The following UBE2G2 variants were observed in gnomAD, a reference collection of about 807,000 sequenced individuals.
UBE2G2 encodes ubiquitin-conjugating enzyme E2 G2.
A neutral mutation model predicts 23.0 loss-of-function variants in UBE2G2; 10 were observed. The observed-to-expected ratio is 0.43, with a 90% confidence interval of 0.27 to 0.74. The LOEUF (loss-of-function observed/expected upper bound fraction) is 0.74. Among genes scored for constraint, UBE2G2 ranks in the 30% least tolerant of loss-of-function variants. UBE2G2 has a pLI of 0.19. For synonymous variants in UBE2G2, 86 were observed against 81.3 expected, an observed-to-expected ratio of 1.06 and a Z score of -0.31; for missense variants, 150 against 218.3, an observed-to-expected ratio of 0.69 and a Z score of 1.97.
At chr21:44,780,740 C>T (rs2082949656) in intron 3 of UBE2G2, among the ~76,000 whole-genome samples, 1 of 152,240 alleles carries the variant, frequency 6.6e-6, no homozygotes, top group Non-Finnish European at 1.5e-5. Context: ...ACTGCCTTGT[C>T]ACTGTCCTCC....
At chr21:44,778,522 A>T (rs2082930853) in intron 3 of UBE2G2, among the ~76,000 whole-genome samples, 1 of 152,244 alleles carries the variant, frequency 6.6e-6, no homozygotes, top group Non-Finnish European at 1.5e-5. Context: ...CTTGACCAAC[A>T]GTTCAAGGCA....
At chr21:44,799,047 G>A (rs2083115240) in intron 1 of UBE2G2, among the ~76,000 whole-genome samples, 2 of 152,212 alleles carry the variant, frequency 1.3e-5, no homozygotes, top group South Asian at 2.1e-4. Flanking sequence ...GTGACCAGGT[G>A]CACTGTCAGG....
At chr21:44,784,741 C>T (rs931525713) in intron 3 of UBE2G2, among the ~76,000 whole-genome samples, 1 of 152,150 alleles carries the variant, frequency 6.6e-6, no homozygotes, top group African/African-American at 2.4e-5. Context: ...CTGGGAGCAT[C>T]CATCCACCAA....
Position 44,779,423 on chromosome 21 carries a change from G to T in UBE2G2, c.126-2006C>A, listed in dbSNP as rs141869098. On this transcript the variant is annotated intron_variant, in intron 3 of 5. Transcript: ENST00000345496. Reference sequence around the variant, plus strand: ...CCAGAGCCTCAGCATGACCAGCACAGGGAACGCCACCGAGGGAGGCACGAG... The same window carrying T: ...CCAGAGCCTCAGCATGACCAGCACATGGAACGCCACCGAGGGAGGCACGAG... Among the ~76,000 whole-genome samples the T allele has an allele frequency of 6.6e-3, 1,007 of 151,938 alleles. 7 individuals are homozygous for T. The highest frequency in any genetic ancestry group is 0.014 in the South Asian group (65 of 4,798).
Position 44,769,030 on chromosome 21 carries a change from G to C in UBE2G2, c.*2347C>G, listed in dbSNP as rs1307980273. 1 of 152,046 alleles carries C rather than the reference G, an allele frequency of 6.6e-6. No individual in the cohort carries two copies. Among genetic ancestry groups the C allele is most frequent in the Admixed American group, 6.6e-5 (1 of 15,240 alleles). The allele number at this position is 152,046 out of a possible 1,614,324, so 9.4% of individuals were successfully genotyped here. A position where few individuals can be genotyped will look rare whatever the true frequency, so the allele number is the denominator to read the frequency against. ...AGGCTCCTCTGACAATACGACAAAG[G>C]GACACACACTGCAGGGCAGGGAAAA... On this transcript the variant is annotated 3_prime_UTR_variant, in exon 6 of 6. Coordinates refer to ENST00000345496, the MANE Select transcript of UBE2G2 (RefSeq NM_003343.6).
At chr21:44,782,043 C>A (rs1448032013) in intron 3 of UBE2G2, among the ~76,000 whole-genome samples, 3 of 152,156 alleles carry the variant, frequency 2.0e-5, no homozygotes, top group Admixed American at 6.5e-5. Flanking sequence ...TAGACAATCA[C>A]TTTTACAACA....
At chr21:44,777,627 G>A (rs2082923226) in intron 3 of UBE2G2, among the ~76,000 whole-genome samples, 1 of 152,040 alleles carries the variant, frequency 6.6e-6, no homozygotes, top group African/African-American at 2.4e-5. Flanking sequence ...GGGCAACATG[G>A]TGAAACCCTG....
rs2082863677 is a variant in UBE2G2 at position 44,770,369 on chromosome 21, T to C, written c.*1008A>G. The C allele has an allele frequency of 6.6e-6, 1 of 152,210 alleles. No individual in the cohort carries two copies. Among genetic ancestry groups the C allele is most frequent in the South Asian group, 2.1e-4 (1 of 4,832 alleles). The allele number at this position is 152,210 out of a possible 1,614,324, so 9.4% of individuals were successfully genotyped here. ...GTTACTAATATACAAACGTAAATCT[T>C]TGATGAGTATGGTCGGGAAAAAACT... On this transcript the variant is annotated 3_prime_UTR_variant, in exon 6 of 6. Coordinates refer to ENST00000345496, the MANE Select transcript of UBE2G2 (RefSeq NM_003343.6).
intron 1 of UBE2G2, among the ~76,000 whole-genome samples, chr21:44,795,453 G>C (rs1027819242): frequency 6.6e-6 from 1 of 151,834 alleles, no homozygotes; most frequent in African/African-American, 2.4e-5. Flanking sequence ...GCAACATGGC[G>C]AAACCCTATC....
intron 3 of UBE2G2, among the ~76,000 whole-genome samples, chr21:44,784,638 C>T (rs1336705550): frequency 6.6e-6 from 1 of 152,138 alleles, no homozygotes; most frequent in East Asian, 1.9e-4. Flanking sequence ...TGCTGTGCCC[C>T]GGACACTGGC....
chr21:44,801,477 C>T, intron 1 of UBE2G2: 2 of 1,127,418 alleles, frequency 1.8e-6, no homozygotes, highest in Non-Finnish European at 2.3e-6. Context: ...ACTAACACGG[C>T]GCCGGCGCTG....
In UBE2G2 at chr21:44,785,545, A is replaced by G. The variant is rs976973229; in HGVS notation, c.125+2375T>C. On this transcript the variant is annotated intron_variant, in intron 3 of 5. Coordinates refer to ENST00000345496, the MANE Select transcript of UBE2G2 (RefSeq NM_003343.6). ...TTCACTGGCCCTTAAGGCAAGCACA[A>G]CAGCAAAAACCAACAGCCGTTCGAC... is the stretch of plus-strand genomic sequence containing the variant. 3.3e-5 allele frequency: 5 copies of G among 152,386 alleles called. No homozygotes were observed. In the South Asian group the frequency reaches 8.3e-4, roughly 25 times the overall value. The allele number at this position is 152,386 out of a possible 1,614,324, so 9.4% of individuals were successfully genotyped here. A position where few individuals can be genotyped will look rare whatever the true frequency, so the allele number is the denominator to read the frequency against.
At chr21:44,796,796 C>T (rs2083093571) in intron 1 of UBE2G2, among the ~76,000 whole-genome samples, 1 of 152,200 alleles carries the variant, frequency 6.6e-6, no homozygotes, top group Non-Finnish European at 1.5e-5. Flanking sequence ...TGACAGAATT[C>T]ACTTCCACGG....
intron 1 of UBE2G2, among the ~76,000 whole-genome samples, chr21:44,797,731 A>G (rs1555964085): frequency 6.7e-6 from 1 of 149,816 alleles, no homozygotes. Flanking sequence ...AAAAAAAAAA[A>G]AAAAAAAAAA....
At chr21:44,779,084 ATAAT>A (rs1246863500) in intron 3 of UBE2G2, 1 of 199,404 alleles carries the variant, frequency 5.0e-6, no homozygotes, top group Non-Finnish European at 1.1e-5. Flanking sequence ...ATTTATCTCT[ATAAT>A]TAAAGGAAAA....
At chr21:44,790,194 A>G (rs2083032036) in intron 1 of UBE2G2, among the ~76,000 whole-genome samples, 1 of 152,222 alleles carries the variant, frequency 6.6e-6, no homozygotes, top group African/African-American at 2.4e-5. Context: ...GGCCAAAATT[A>G]AAGACTTAAA....
intron 3 of UBE2G2, 45 bp downstream of exon 3, chr21:44,787,875 C>A (rs2083008593): frequency 6.2e-7 from 1 of 1,603,064 alleles, no homozygotes; most frequent in Non-Finnish European, 8.5e-7. Context: ...TTACATCTGA[C>A]TTCCAGCAAA....
chr21:44,774,520 G>T (rs1172643047), intron 4 of UBE2G2: 7 of 268,102 alleles, frequency 2.6e-5, no homozygotes, highest in African/African-American at 1.6e-4. Context: ...GAGTTAATAA[G>T]CTCTGAATTT....
chr21:44,794,884 C>T (rs1555963458), intron 1 of UBE2G2, among the ~76,000 whole-genome samples: 1 of 152,152 alleles, frequency 6.6e-6, no homozygotes, highest in Non-Finnish European at 1.5e-5. Context: ...AGCAAAGACT[C>T]AAGTCACTTT....
Sources: gnomAD v4.1 joint callset for allele counts (sites outside exome capture counted in the v4.1 genomes callset) on GRCh38, gnomAD v4.1.1 for gene constraint, MANE v1.5 for transcripts, NCBI Gene and HGNC (gene_info 2026-07-23, HGNC 2026-07-21) for gene names.